Variants in LRRTM4 observed in about 807,000 individuals in gnomAD.
LRRTM4 encodes leucine-rich repeat transmembrane neuronal protein 4.
In LRRTM4, 25 loss-of-function variants were observed where a neutral mutation model predicts 47.6. The observed-to-expected ratio is 0.53, with a 90% CI of 0.38 to 0.73. LRRTM4 has a LOEUF of 0.73. LRRTM4 is among the 30% of genes least tolerant of loss of function. The probability of loss-of-function intolerance (pLI) is 0.00; values close to 1 mark genes in which losing one functional copy is unlikely to be tolerated. For synonymous variants in LRRTM4, 311 were observed against 269.5 expected (o/e 1.15, Z -1.51); for missense variants, 638 against 713.4 (o/e 0.89, Z 1.20).
At position 77,022,740 on chromosome 2, in the gene LRRTM4, A is replaced by G. The variant is rs749042141; in HGVS notation, c.1552-273824T>C. Among the ~76,000 whole-genome samples, 4 of 152,290 alleles carry G rather than the reference A, an allele frequency of 2.6e-5. No individual in the cohort carries two copies. In the South Asian group the frequency reaches 8.3e-4, roughly 32 times the overall value. ...ATGCTGATGTAAGAAATGGGTTCCCATGGTCTTGGGCAGCTCTGCCCCTGT... is the reference window on the plus strand; with the variant it reads ...ATGCTGATGTAAGAAATGGGTTCCCGTGGTCTTGGGCAGCTCTGCCCCTGT... On this transcript the variant is annotated intron_variant, in intron 3 of 3. Coordinates refer to ENST00000409884, the MANE Select transcript of LRRTM4 (RefSeq NM_001134745.3).
intron 3 of LRRTM4, among the ~76,000 whole-genome samples, chr2:77,262,609 T>C (rs1675948358): frequency 6.6e-6 from 1 of 151,966 alleles, no homozygotes; most frequent in Non-Finnish European, 1.5e-5. Flanking sequence ...TTGCCTTTGA[T>C]GACCTTTACA....
At chr2:77,109,270 G>C (rs1671183485) in intron 3 of LRRTM4, among the ~76,000 whole-genome samples, 1 of 152,156 alleles carries the variant, frequency 6.6e-6, no homozygotes, top group South Asian at 2.1e-4. Context: ...ATAAGATTTT[G>C]AGTTACATGA....
At chr2:76,927,538 T>C (rs935278656) in intron 3 of LRRTM4, among the ~76,000 whole-genome samples, 3 of 152,156 alleles carry the variant, frequency 2.0e-5, no homozygotes, top group African/African-American at 7.2e-5. Context: ...CTGCCTTTCC[T>C]ATTGTTAGTT....
intron 3 of LRRTM4, among the ~76,000 whole-genome samples, chr2:77,424,010 ATTAT>A (rs1169982414): frequency 6.6e-6 from 1 of 152,036 alleles, no homozygotes; most frequent in African/African-American, 2.4e-5. Flanking sequence ...TATTAATTTT[ATTAT>A]TTATTTTCTA....
chr2:77,146,452 G>T (rs534531564), intron 3 of LRRTM4, among the ~76,000 whole-genome samples: 3 of 152,076 alleles, frequency 2.0e-5, no homozygotes, highest in African/African-American at 7.2e-5. Context: ...AACTTTTACA[G>T]CTAAAAAGTT....
Position 76,791,605 on chromosome 2 carries a change from C to T in LRRTM4, c.1552-42689G>A, listed in dbSNP as rs149792811. On this transcript the variant is annotated intron_variant, in intron 3 of 3. Transcript: ENST00000409884. The stretch of plus-strand genomic sequence containing the variant: ...TCCATTTACAGGACAAGGGGAAACA[C>T]AGTAAATGCTTCAGAATTATACACA... Among the ~76,000 whole-genome samples, 381 of 152,290 alleles carry T rather than the reference C, an allele frequency of 2.5e-3. 2 individuals are homozygous for T. The highest frequency in any genetic ancestry group is 8.8e-3 in the African/African-American group (365 of 41,578).
chr2:77,504,664 T>C (rs959803177), intron 3 of LRRTM4, among the ~76,000 whole-genome samples: 2 of 151,622 alleles, frequency 1.3e-5, no homozygotes, highest in Non-Finnish European at 3.0e-5. Flanking sequence ...TTACATGTAA[T>C]GATCTAACAA....
intron 3 of LRRTM4, among the ~76,000 whole-genome samples, chr2:76,905,444 T>G (rs1673795154): frequency 6.6e-6 from 1 of 151,970 alleles, no homozygotes; most frequent in Non-Finnish European, 1.5e-5. Context: ...CCAGAGCACC[T>G]CTCCTCCTCC....
chr2:77,116,832 A>G (rs1019213049), intron 3 of LRRTM4, among the ~76,000 whole-genome samples: 2 of 152,118 alleles, frequency 1.3e-5, no homozygotes, highest in African/African-American at 4.8e-5. Flanking sequence ...GTCCATTTCA[A>G]GTAAGAAGTG....
chr2:77,205,821 C>T (rs1043128309), intron 3 of LRRTM4, among the ~76,000 whole-genome samples: 2 of 152,058 alleles, frequency 1.3e-5, no homozygotes, highest in Admixed American at 6.6e-5. Flanking sequence ...CATTAATAAT[C>T]ATTTGCTAAA....
At chr2:76,993,878 G>A (rs1054113977) in intron 3 of LRRTM4, among the ~76,000 whole-genome samples, 1 of 151,894 alleles carries the variant, frequency 6.6e-6, no homozygotes, top group African/African-American at 2.4e-5. Flanking sequence ...TCATGGATTT[G>A]ATAAAGAAAA....
chr2:76,962,053 A>C (rs555902385), intron 3 of LRRTM4, among the ~76,000 whole-genome samples: 1 of 151,384 alleles, frequency 6.6e-6, no homozygotes, highest in African/African-American at 2.4e-5. Flanking sequence ...GCATGTATAC[A>C]TGTTGAATCT....
chr2:77,401,708 G>A (rs956401269), intron 3 of LRRTM4, among the ~76,000 whole-genome samples: 3 of 151,954 alleles, frequency 2.0e-5, no homozygotes, highest in East Asian at 1.9e-4. Flanking sequence ...TTTTGCCATA[G>A]GAGTAAAAGG....
At chr2:77,322,681 C>A (rs138429783) in intron 3 of LRRTM4, among the ~76,000 whole-genome samples, 1 of 151,168 alleles carries the variant, frequency 6.6e-6, no homozygotes, top group Non-Finnish European at 1.5e-5. Flanking sequence ...TATCAGTAAG[C>A]GATCCTCATC....
chr2:77,388,468 T>A (rs1673374361), intron 3 of LRRTM4, among the ~76,000 whole-genome samples: 1 of 152,178 alleles, frequency 6.6e-6, no homozygotes, highest in Non-Finnish European at 1.5e-5. Context: ...TCATTGTCTC[T>A]TTTCTTCACT....
At position 77,192,341 on chromosome 2, in the gene LRRTM4, AT is replaced by A. The variant is rs1176412922; in HGVS notation, c.1551+325976del. The stretch of plus-strand genomic sequence containing the variant: ...CTTTCTTGTCTCAGTTTAGTTTGTT[AT>A]TTTTGAATTTTACCATAATGAGCAA... On this transcript the variant is annotated intron_variant, in intron 3 of 3. Coordinates refer to ENST00000409884, the MANE Select transcript of LRRTM4 (RefSeq NM_001134745.3). Among the ~76,000 whole-genome samples, 4 of 151,990 alleles carry A rather than the reference AT, an allele frequency of 2.6e-5. No individual in the cohort carries two copies. In the East Asian group the frequency reaches 7.7e-4, roughly 29 times the overall value.
intron 3 of LRRTM4, among the ~76,000 whole-genome samples, chr2:76,804,067 C>T (rs1008903053): frequency 3.3e-5 from 5 of 152,074 alleles, no homozygotes; most frequent in Non-Finnish European, 7.4e-5. Context: ...TGGTTTCCTA[C>T]AAAGTTACTC....
intron 3 of LRRTM4, among the ~76,000 whole-genome samples, chr2:77,107,682 G>A (rs1389611958): frequency 1.3e-5 from 2 of 151,972 alleles, no homozygotes; most frequent in African/African-American, 4.8e-5. Context: ...GCCTGGCGTG[G>A]TGATGCATGC....
At chr2:77,515,959 C>A (rs1234207525) in intron 3 of LRRTM4, among the ~76,000 whole-genome samples, 1 of 151,654 alleles carries the variant, frequency 6.6e-6, no homozygotes, top group South Asian at 2.1e-4. Flanking sequence ...ATGGGGTGAC[C>A]CCTGCAATGT....
Sources: gnomAD v4.1 joint callset for allele counts (sites outside exome capture counted in the v4.1 genomes callset) on GRCh38, gnomAD v4.1.1 for gene constraint, MANE v1.5 for transcripts, NCBI Gene and HGNC (gene_info 2026-07-23, HGNC 2026-07-21) for gene names.